ATM: variants seen among roughly 807,000 people sequenced by gnomAD.
The protein encoded by ATM is ATM serine/threonine kinase.
ATM carries 308 observed loss-of-function variants against 387.0 expected under a neutral mutation model. The observed-to-expected ratio is 0.80, with a 90% CI of 0.73 to 0.87. ATM has a LOEUF of 0.87. Among genes scored for constraint, ATM ranks in the 40% least tolerant of loss-of-function variants. The pLI is 0.00. For missense variants in ATM, 3,312 were observed against 3,560.9 expected (o/e 0.93, Z 1.78); for synonymous variants, 1,156 against 1,187.3 (o/e 0.97, Z 0.54).
chr11:108,348,239 TTAATA>T (rs1420250913), intron 59 of ATM, among the ~76,000 whole-genome samples: 3 of 151,756 alleles, frequency 2.0e-5, no homozygotes, highest in African/African-American at 4.8e-5. Flanking sequence ...TATAGACAGT[TTAATA>T]TAAAAGAAAG....
At chr11:108,284,833 T>G (rs2082408837) in intron 26 of ATM, among the ~76,000 whole-genome samples, 1 of 152,180 alleles carries the variant, frequency 6.6e-6, no homozygotes, top group African/African-American at 2.4e-5. Flanking sequence ...CTCTTCAATC[T>G]CACCAAGCTT....
chr11:108,345,359 T>C (rs1193289052), intron 57 of ATM, among the ~76,000 whole-genome samples: 1 of 152,230 alleles, frequency 6.6e-6, no homozygotes, highest in Non-Finnish European at 1.5e-5. Context: ...CTGCCATCTA[T>C]GAGGGATTCT....
At position 108,365,566 on chromosome 11, in the gene ATM, A is replaced by G; in HGVS notation, c.*58A>G. 1.3e-6 allele frequency: 2 copies of G among 1,557,560 alleles called. No homozygotes were observed. Among genetic ancestry groups the G allele is most frequent in the Admixed American group, 1.9e-5 (1 of 53,522 alleles). On this transcript the variant is annotated 3_prime_UTR_variant, in exon 63 of 63. Coordinates refer to ENST00000675843, the MANE Select transcript of ATM (RefSeq NM_000051.4). ...CTTTAGAAATTATATTTTAGCCTTT[A>G]TTTTTAACCTGCCAACATACTTTAA...
At position 108,272,744 on chromosome 11, in the gene ATM, C is replaced by T. The variant is rs761590782; in HGVS notation, c.3176C>T (p.Ala1059Val). 3.1e-6 allele frequency: 5 copies of T among 1,613,760 alleles called. No homozygotes were observed. Among genetic ancestry groups the T allele is most frequent in the Non-Finnish European group, 4.2e-6 (5 of 1,179,952 alleles). The change falls in exon 22 of 63, where the codon GCC becomes GTC. Residue 1059 changes from alanine to valine, a missense_variant. Physicochemically the swap from Ala to Val is moderately conservative, Grantham distance 64. This residue lies in a region of ATM where 1,791 missense variants were observed against 1,804.5 expected (regional missense o/e 0.99). Transcript: ENST00000675843. Reference protein sequence around the residue: ...LLEADPYSKWAILNVMGKDFP... With the variant: ...LLEADPYSKWVILNVMGKDFP... ...TAGGCTGATCCTTATTCAAAATGGG[C>T]CATTCTTAATGTAATGGGAAAAGAC...
intron 48 of ATM, 116 bp from the exon 49 acceptor site, chr11:108,328,905 A>C: frequency 5.4e-5 from 57 of 1,058,542 alleles, no homozygotes; most frequent in Middle Eastern, 3.1e-4. Flanking sequence ...CATATAATTT[A>C]GCTAGCTTTT....
chr11:108,365,729 T>G lies in ATM; in HGVS notation c.*221T>G, dbSNP rs2091277266. 1.6e-6 allele frequency: 1 copy of G among 636,308 alleles called. No individual in the cohort carries two copies. The highest frequency in any genetic ancestry group is 2.6e-6 in the Non-Finnish European group (1 of 385,118). The allele number at this position is 636,308 out of a possible 1,614,324, so 39.4% of individuals were successfully genotyped here. A position where few individuals can be genotyped will look rare whatever the true frequency, so the allele number is the denominator to read the frequency against. Reference sequence around the variant, plus strand: ...TTCACTCTTTAGAAATAATGGTCATTCGGGCTGGGCGCAGCGGCTCACGCC... The same window carrying G: ...TTCACTCTTTAGAAATAATGGTCATGCGGGCTGGGCGCAGCGGCTCACGCC... On this transcript the variant is annotated 3_prime_UTR_variant, in exon 63 of 63. Coordinates refer to ENST00000675843, the MANE Select transcript of ATM (RefSeq NM_000051.4).
In ATM at chr11:108,316,193, C is replaced by T. The variant is rs1484371923; in HGVS notation, c.6198+80C>T. Reference sequence around the variant, plus strand: ...TTCAGTATGTTGGTGGATATTTACACAGCCAGATAAACTCTAGAGATAAGA... The same window carrying T: ...TTCAGTATGTTGGTGGATATTTACATAGCCAGATAAACTCTAGAGATAAGA... On this transcript the variant is annotated intron_variant, in intron 42 of 62. Coordinates refer to ENST00000675843, the MANE Select transcript of ATM (RefSeq NM_000051.4). 7.8e-6 allele frequency: 10 copies of T among 1,277,292 alleles called. No homozygotes were observed. In the East Asian group the frequency reaches 1.7e-4, roughly 22 times the overall value. 79.1% of individuals were successfully genotyped at this position (1,277,292 alleles called of 1,614,324 possible). A position where few individuals can be genotyped will look rare whatever the true frequency, so the allele number is the denominator to read the frequency against.
chr11:108,235,876 A>C, intron 5 of ATM, 42 bp downstream of exon 5: 1 of 1,607,446 alleles, frequency 6.2e-7, no homozygotes, highest in Non-Finnish European at 8.5e-7. Context: ...TTCCTCATGA[A>C]ATGAAACTTC....
intron 57 of ATM, among the ~76,000 whole-genome samples, chr11:108,345,004 C>G (rs2088130643): frequency 1.3e-5 from 2 of 151,282 alleles, no homozygotes; most frequent in African/African-American, 4.9e-5. Context: ...GTCACCCTGT[C>G]TCCAAAAAAA....
chr11:108,326,420 A>G (rs1777410155), intron 47 of ATM, among the ~76,000 whole-genome samples, 195 bp downstream of exon 47: 1 of 152,244 alleles, frequency 6.6e-6, no homozygotes, highest in Non-Finnish European at 1.5e-5. Context: ...TCACAATTCT[A>G]TCAGTCCATC....
At chr11:108,244,729 C>A (rs2079746082) in intron 6 of ATM, 59 bp from the exon 7 acceptor site, 1 of 1,291,186 alleles carries the variant, frequency 7.7e-7, no homozygotes, top group Non-Finnish European at 1.1e-6. Flanking sequence ...CATAACTGTT[C>A]AGTTTGTACA....
intron 52 of ATM, among the ~76,000 whole-genome samples, chr11:108,332,399 T>C (rs1412142994): frequency 6.6e-6 from 1 of 152,118 alleles, no homozygotes; most frequent in African/African-American, 2.4e-5. Context: ...GCCATTGCAC[T>C]CCAGCCTGGG....
intron 59 of ATM, among the ~76,000 whole-genome samples, chr11:108,348,561 A>T (rs1282829330): frequency 6.6e-6 from 1 of 151,978 alleles, no homozygotes; most frequent in African/African-American, 2.4e-5. Context: ...AGTTTAATAT[A>T]TAAGAAAGAA....
rs1280987109 is a variant in ATM at position 108,246,861 on chromosome 11, C to A, written c.902-103C>A. The A allele has an allele frequency of 5.5e-6, 5 of 917,104 alleles. No individual in the cohort carries two copies. The Admixed American group carries it at 1.0e-4, about 18-fold the overall frequency. The allele number at this position is 917,104 out of a possible 1,614,324, so 56.8% of individuals were successfully genotyped here. A position where few individuals can be genotyped will look rare whatever the true frequency, so the allele number is the denominator to read the frequency against. On this transcript the variant is annotated intron_variant, in intron 7 of 62. Transcript: ENST00000675843. ...CTGAATGGAAGGTTGGACCAGGTGT[C>A]TTCTAACGCTGATGCAGCTTGACAG...
intron 4 of ATM, among the ~76,000 whole-genome samples, chr11:108,234,411 C>A (rs930040026): frequency 3.3e-5 from 5 of 152,024 alleles, no homozygotes; most frequent in Non-Finnish European, 7.3e-5. Context: ...TCTGCTGTGA[C>A]GTAAATATAA....
intron 16 of ATM, among the ~76,000 whole-genome samples, chr11:108,260,276 C>G (rs984889224): frequency 6.6e-6 from 1 of 152,116 alleles, no homozygotes; most frequent in Non-Finnish European, 1.5e-5. Context: ...CTCAAATGAT[C>G]TGTCCACCTT....
intron 4 of ATM, among the ~76,000 whole-genome samples, chr11:108,233,168 T>A (rs1421219032): frequency 6.6e-6 from 1 of 152,184 alleles, no homozygotes; most frequent in Non-Finnish European, 1.5e-5. Context: ...ACCCTGTTCA[T>A]TTCTTTATGT....
At chr11:108,266,013 G>A (rs2081213609) in intron 16 of ATM, among the ~76,000 whole-genome samples, 1 of 152,002 alleles carries the variant, frequency 6.6e-6, no homozygotes, top group Admixed American at 6.6e-5. Flanking sequence ...TGGAGAAATA[G>A]GAATCCTTTT....
At position 108,267,287 on chromosome 11, in the gene ATM, C is replaced by A. The variant is rs886039633; in HGVS notation, c.2583C>A (p.Tyr861Ter). ...CATCCATGAATCTATTTAACGATTA[C>A]CCTGATAGTAGTGTTAGTGATGCAA... ...DQSSMNLFND[Y>*]PDSSVSDANE... The change falls in exon 17 of 63, where the codon TAC (tyrosine) becomes TAA (stop). Residue 861 changes from tyrosine to a stop codon, truncating the protein, a stop_gained. Transcript: ENST00000675843. LOFTEE classifies it high-confidence loss of function. The A allele has an allele frequency of 6.2e-7, 1 of 1,614,060 alleles. No individual in the cohort carries two copies. Among genetic ancestry groups the A allele is most frequent in the Non-Finnish European group, 8.5e-7 (1 of 1,179,972 alleles).
Sources: allele counts gnomAD v4.1 joint callset (sites outside exome capture counted in the v4.1 genomes callset), GRCh38; gene constraint gnomAD v4.1.1; regional missense constraint gnomAD v4.1.1; transcripts MANE v1.5; gene names NCBI Gene and HGNC (gene_info 2026-07-23, HGNC 2026-07-21).